Variants in NRG3 observed in about 807,000 individuals in gnomAD.
The protein encoded by NRG3 is neuregulin 3, also known as pro-neuregulin-3, membrane-bound isoform.
NRG3 carries 31 observed loss-of-function variants against 66.9 expected under a neutral mutation model. That is an observed-to-expected ratio of 0.46 (90% CI 0.35 to 0.63). NRG3 has a LOEUF of 0.63. Ranked by LOEUF, NRG3 falls within the 20% of genes least tolerant of loss-of-function variation. The pLI is 0.00. For missense variants in NRG3, 910 were observed against 878.9 expected, an observed-to-expected ratio of 1.04 and a Z score of -0.45; for synonymous variants, 393 against 359.4, an observed-to-expected ratio of 1.09 and a Z score of -1.06.
chr10:82,359,132 A>G (rs2083961951), intron 2 of NRG3, among the ~76,000 whole-genome samples: 1 of 152,260 alleles, frequency 6.6e-6, no homozygotes, highest in Non-Finnish European at 1.5e-5. Flanking sequence ...TGCAAAGTTA[A>G]TGGAAATAAT....
At chr10:82,900,712 G>A (rs1052187344) in intron 4 of NRG3, among the ~76,000 whole-genome samples, 2 of 152,160 alleles carry the variant, frequency 1.3e-5, no homozygotes, top group Non-Finnish European at 2.9e-5. Context: ...TGAAGAAAAT[G>A]AGACCCAGAC....
At chr10:82,934,865 AATGTCC>A (rs1847910739) in intron 4 of NRG3, among the ~76,000 whole-genome samples, 1 of 152,218 alleles carries the variant, frequency 6.6e-6, no homozygotes, top group Non-Finnish European at 1.5e-5. Context: ...AGTGGACCAC[AATGTCC>A]AACATTAAAT....
intron 1 of NRG3, among the ~76,000 whole-genome samples, chr10:82,053,363 C>A (rs961846636): frequency 1.3e-5 from 2 of 152,120 alleles, no homozygotes; most frequent in African/African-American, 4.8e-5. Context: ...TCCATGTAAT[C>A]ATTCAGAGAT....
chr10:82,069,564 T>C (rs1281026498), intron 1 of NRG3, among the ~76,000 whole-genome samples: 3 of 152,156 alleles, frequency 2.0e-5, no homozygotes, highest in African/African-American at 4.8e-5. Flanking sequence ...GAGGACAAGA[T>C]TCAGACTCAT....
At chr10:82,250,369 G>A (rs980028083) in intron 1 of NRG3, among the ~76,000 whole-genome samples, 1 of 152,136 alleles carries the variant, frequency 6.6e-6, no homozygotes, top group Admixed American at 6.5e-5. Flanking sequence ...TGGATCGCCT[G>A]AGGTCAGGAG....
intron 3 of NRG3, among the ~76,000 whole-genome samples, chr10:82,761,947 TC>T (rs2059332634): frequency 1.4e-5 from 2 of 146,006 alleles, no homozygotes; most frequent in African/African-American, 5.2e-5. Flanking sequence ...TTTCTTTCTT[TC>T]TTTCTTTCTT....
intron 4 of NRG3, among the ~76,000 whole-genome samples, chr10:82,878,072 G>A (rs1841993297): frequency 6.6e-6 from 1 of 152,086 alleles, no homozygotes; most frequent in South Asian, 2.1e-4. Flanking sequence ...GAATAGTTCG[G>A]GCCATTTTTA....
At chr10:81,966,878 A>G (rs11191965) in intron 1 of NRG3, among the ~76,000 whole-genome samples, 12,583 of 152,190 alleles carry the variant, frequency 0.083, 584 homozygotes, top group South Asian at 0.19. Flanking sequence ...ATAAAATCAT[A>G]TATGTGACAT....
At chr10:82,181,863 A>G (rs1240224197) in intron 1 of NRG3, among the ~76,000 whole-genome samples, 1 of 151,762 alleles carries the variant, frequency 6.6e-6, no homozygotes, top group Non-Finnish European at 1.5e-5. Flanking sequence ...GAAAGGTTCT[A>G]CTGTTATTGT....
At chr10:82,601,776 G>A (rs1278739051) in intron 2 of NRG3, among the ~76,000 whole-genome samples, 5 of 149,676 alleles carry the variant, frequency 3.3e-5, no homozygotes, top group Admixed American at 1.3e-4. Flanking sequence ...TTGGGAGGTC[G>A]AGGCGGAAGG....
At chr10:82,159,957 G>C (rs987811381) in intron 1 of NRG3, among the ~76,000 whole-genome samples, 1 of 151,914 alleles carries the variant, frequency 6.6e-6, no homozygotes, top group Non-Finnish European at 1.5e-5. Context: ...TTTTCACTGA[G>C]AGGTGGTGGA....
chr10:82,567,982 T>C (rs1350542978), intron 2 of NRG3, among the ~76,000 whole-genome samples: 1 of 151,940 alleles, frequency 6.6e-6, no homozygotes, highest in African/African-American at 2.4e-5. Flanking sequence ...TGAGACACCC[T>C]GTAACCTTGG....
intron 2 of NRG3, among the ~76,000 whole-genome samples, chr10:82,443,718 A>C (rs141645333): frequency 8.5e-4 from 129 of 152,330 alleles, no homozygotes; most frequent in Middle Eastern, 3.4e-3. Flanking sequence ...GGGAGCATCT[A>C]GGAGGGATTA....
intron 1 of NRG3, among the ~76,000 whole-genome samples, chr10:82,286,718 G>C (rs1480601849): frequency 1.3e-5 from 2 of 152,118 alleles, no homozygotes; most frequent in African/African-American, 2.4e-5. Context: ...CTCCCAAGTA[G>C]CTGGGACTAC....
At chr10:82,315,181 G>A (rs2081231064) in intron 1 of NRG3, among the ~76,000 whole-genome samples, 1 of 152,142 alleles carries the variant, frequency 6.6e-6, no homozygotes, top group African/African-American at 2.4e-5. Flanking sequence ...TTCAAAGAAA[G>A]GCAGTGCAAG....
At chr10:82,535,367 T>C (rs1847713061) in intron 2 of NRG3, among the ~76,000 whole-genome samples, 2 of 151,988 alleles carry the variant, frequency 1.3e-5, no homozygotes, top group Admixed American at 1.3e-4. Context: ...CAGAACACTT[T>C]ATTTACGGAG....
rs186471550 is a variant in NRG3 at position 82,449,472 on chromosome 10, C to T, written c.953+90604C>T. ...TCATCTTTGCATTTGCCTTAGCTTG[C>T]GGCTGGTCTGGCTTCTGAGATTGCT... On this transcript the variant is annotated intron_variant, in intron 2 of 8. Coordinates refer to ENST00000372141, the MANE Select transcript of NRG3 (RefSeq NM_001010848.4). 1.6e-3 allele frequency among the ~76,000 whole-genome samples: 250 copies of T among 152,242 alleles called. 1 individual carries two copies. The highest frequency in any genetic ancestry group is 3.4e-3 in the Middle Eastern group (1 of 294).
intron 2 of NRG3, among the ~76,000 whole-genome samples, chr10:82,593,784 A>G (rs1050349771): frequency 6.6e-6 from 1 of 151,964 alleles, no homozygotes; most frequent in Non-Finnish European, 1.5e-5. Context: ...AATATTACAT[A>G]CTGACATATA....
intron 2 of NRG3, among the ~76,000 whole-genome samples, chr10:82,701,472 A>T (rs2055875840): frequency 6.6e-6 from 1 of 152,138 alleles, no homozygotes. Context: ...AGTCACAAGG[A>T]ATTAAGAGGT....
Sources: gnomAD v4.1 joint callset for allele counts (sites outside exome capture counted in the v4.1 genomes callset) on GRCh38, gnomAD v4.1.1 for gene constraint, MANE v1.5 for transcripts, NCBI Gene and HGNC (gene_info 2026-07-23, HGNC 2026-07-21) for gene names.